Variants in DACH1 observed in about 807,000 individuals in gnomAD.
DACH1 encodes the protein dachshund family transcription factor 1, also known as dachshund homolog 1.
A neutral mutation model predicts 54.2 loss-of-function variants in DACH1; 12 were observed. That is an observed-to-expected ratio of 0.22 (90% CI 0.14 to 0.36). DACH1 has a LOEUF of 0.36. Among genes scored for constraint, DACH1 ranks in the 10% least tolerant of loss-of-function variants. The pLI, the probability that DACH1 is intolerant of heterozygous loss-of-function variation, is 1.00. For synonymous variants in DACH1, 386 were observed against 366.2 expected (o/e 1.05, Z -0.62); for missense variants, 805 against 929.8 (o/e 0.87, Z 1.75).
chr13:71,808,741 A>C (rs1594246584), intron 1 of DACH1, among the ~76,000 whole-genome samples: 1 of 152,192 alleles, frequency 6.6e-6, no homozygotes, highest in Non-Finnish European at 1.5e-5. Context: ...TAAAACTTTC[A>C]AAAAATGCAA....
intron 1 of DACH1, among the ~76,000 whole-genome samples, chr13:71,712,025 A>G (rs1213020556): frequency 6.6e-6 from 1 of 152,136 alleles, no homozygotes; most frequent in African/African-American, 2.4e-5. Context: ...CCAAAGAGTT[A>G]CAAAGATTCA....
At chr13:71,651,369 C>CAAAA (rs536561575) in intron 2 of DACH1, among the ~76,000 whole-genome samples, 1 of 69,728 alleles carries the variant, frequency 1.4e-5, no homozygotes, top group Non-Finnish European at 3.2e-5. Flanking sequence ...CCCTGTCTCA[C>CAAAA]AAAAAAAAAA....
At chr13:71,639,444 A>T (rs1877733655) in intron 2 of DACH1, among the ~76,000 whole-genome samples, 1 of 152,116 alleles carries the variant, frequency 6.6e-6, no homozygotes, top group Admixed American at 6.6e-5. Flanking sequence ...ATTAATGGAA[A>T]CACTCCCTAT....
intron 1 of DACH1, among the ~76,000 whole-genome samples, chr13:71,743,996 C>T (rs113398772): frequency 5.9e-5 from 9 of 152,174 alleles, no homozygotes; most frequent in African/African-American, 2.2e-4. Context: ...TTTTGGTTCT[C>T]ATGCCCAAAC....
intron 1 of DACH1, among the ~76,000 whole-genome samples, chr13:71,766,219 C>T (rs1281444336): frequency 6.6e-6 from 1 of 152,128 alleles, no homozygotes; most frequent in African/African-American, 2.4e-5. Flanking sequence ...CCCTAAATTT[C>T]CTACTCACCT....
chr13:71,664,984 A>G lies in DACH1; in HGVS notation c.964+16811T>C, dbSNP rs112311325. Among the ~76,000 whole-genome samples, 646 of 152,122 alleles carry G rather than the reference A, an allele frequency of 4.2e-3. 8 individuals carry two copies. Among genetic ancestry groups the G allele is most frequent in the African/African-American group, 0.015 (616 of 41,558 alleles). On this transcript the variant is annotated intron_variant, in intron 2 of 10. Transcript: ENST00000613252. Reference sequence around the variant, plus strand: ...TTATCAATTGCACAAATAAATAATAACACAGAGATTTACTACTAATGAGCA... The same window carrying G: ...TTATCAATTGCACAAATAAATAATAGCACAGAGATTTACTACTAATGAGCA...
intron 1 of DACH1, among the ~76,000 whole-genome samples, chr13:71,864,201 ACACACACACACAC>A: frequency 8.2e-6 from 1 of 121,762 alleles, no homozygotes; most frequent in East Asian, 5.5e-4. Context: ...ACACACACAC[ACACACACACACAC>A]AACATTTACC....
chr13:71,769,197 T>G (rs1885755174), intron 1 of DACH1, among the ~76,000 whole-genome samples: 1 of 151,778 alleles, frequency 6.6e-6, no homozygotes, highest in African/African-American at 2.4e-5. Flanking sequence ...CCTAAATTTG[T>G]CATCTATGTA....
chr13:71,823,265 A>C (rs1288203917), intron 1 of DACH1, among the ~76,000 whole-genome samples: 1 of 152,092 alleles, frequency 6.6e-6, no homozygotes, highest in East Asian at 1.9e-4. Flanking sequence ...CAGCAATCAG[A>C]GTTATTCTAT....
intron 1 of DACH1, among the ~76,000 whole-genome samples, chr13:71,715,152 G>A (rs1343007619): frequency 6.6e-6 from 1 of 152,064 alleles, no homozygotes; most frequent in East Asian, 1.9e-4. Flanking sequence ...ATGTATCTCC[G>A]ACTTCAAAGC....
Position 71,865,815 on chromosome 13 carries a change from G to A in DACH1, c.848+107C>T, listed in dbSNP as rs1593666696. On this transcript the variant is annotated intron_variant, in intron 1 of 10. Transcript: ENST00000613252. Reference sequence around the variant, plus strand: ...GAGAGGGCCGCGCTCGCCGGGGCGCGCGGCTCGCGGGCGCGCAGAGCGAGC... The same window carrying A: ...GAGAGGGCCGCGCTCGCCGGGGCGCACGGCTCGCGGGCGCGCAGAGCGAGC... 9.9e-6 allele frequency: 13 copies of A among 1,312,754 alleles called. No homozygotes were observed. The East Asian group carries it at 3.2e-4, about 32-fold the overall frequency. The allele number at this position is 1,312,754 out of a possible 1,614,324, so 81.3% of individuals were successfully genotyped here.
intron 1 of DACH1, among the ~76,000 whole-genome samples, chr13:71,697,352 G>A (rs971718710): frequency 6.6e-6 from 1 of 152,152 alleles, no homozygotes; most frequent in African/African-American, 2.4e-5. Context: ...CTGAAAGGAT[G>A]GTACTCCGAC....
chr13:71,812,974 C>T (rs1287299496), intron 1 of DACH1, among the ~76,000 whole-genome samples: 3 of 152,182 alleles, frequency 2.0e-5, no homozygotes, highest in Non-Finnish European at 4.4e-5. Flanking sequence ...GTCATCACTG[C>T]CCTTTCATAC....
chr13:71,576,358 A>G (rs1885524743), intron 3 of DACH1, among the ~76,000 whole-genome samples: 1 of 152,152 alleles, frequency 6.6e-6, no homozygotes, highest in Non-Finnish European at 1.5e-5. Flanking sequence ...CTAAAATTCA[A>G]ATATGTAAGG....
chr13:71,528,872 T>C (rs1326799410), intron 6 of DACH1, among the ~76,000 whole-genome samples: 1 of 152,082 alleles, frequency 6.6e-6, no homozygotes, highest in African/African-American at 2.4e-5. Context: ...AAAAGGTAGC[T>C]ATTAATATTA....
At chr13:71,650,862 T>C (rs1470079407) in intron 2 of DACH1, among the ~76,000 whole-genome samples, 1 of 152,224 alleles carries the variant, frequency 6.6e-6, no homozygotes, top group Non-Finnish European at 1.5e-5. Flanking sequence ...TGACAAATTA[T>C]TTTAATTCAA....
intron 1 of DACH1, among the ~76,000 whole-genome samples, chr13:71,738,582 A>G (rs972812135): frequency 2.0e-5 from 3 of 151,528 alleles, no homozygotes; most frequent in Admixed American, 2.0e-4. Context: ...AAAATAACAA[A>G]TTGGCCAGGC....
chr13:71,622,390 T>C (rs1233761137), intron 3 of DACH1, among the ~76,000 whole-genome samples: 1 of 152,024 alleles, frequency 6.6e-6, no homozygotes, highest in African/African-American at 2.4e-5. Context: ...TTTAAAAATA[T>C]GTATTAGCAA....
chr13:71,735,159 G>A lies in DACH1; in HGVS notation c.849-53249C>T, dbSNP rs139099064. Among the ~76,000 whole-genome samples, 497 of 133,246 alleles carry A rather than the reference G, an allele frequency of 3.7e-3. 9 individuals carry two copies. Among genetic ancestry groups the A allele is most frequent in the African/African-American group, 0.016 (428 of 26,182 alleles). 87.4% of individuals were successfully genotyped at this position (133,246 alleles called of 152,430 possible). ...GGATACTCGTATATGGTTTATACAT[G>A]TATATGGGATACTCGTATATGGGAT... On this transcript the variant is annotated intron_variant, in intron 1 of 10. Coordinates refer to ENST00000613252, the MANE Select transcript of DACH1 (RefSeq NM_080759.6).
Sources: allele counts gnomAD v4.1 joint callset (sites outside exome capture counted in the v4.1 genomes callset), GRCh38; gene constraint gnomAD v4.1.1; transcripts MANE v1.5; gene names NCBI Gene and HGNC (gene_info 2026-07-23, HGNC 2026-07-21).